The following ANO3 variants were observed in gnomAD, a reference collection of about 807,000 sequenced individuals.
ANO3 encodes the protein anoctamin 3.
A neutral mutation model predicts 144.8 loss-of-function variants in ANO3; 99 were observed. The observed-to-expected ratio is 0.68, with a 90% CI of 0.58 to 0.81. The LOEUF (loss-of-function observed/expected upper bound fraction) is 0.81. Ranked by LOEUF, ANO3 falls within the 30% of genes least tolerant of loss-of-function variation. The pLI is 0.00. For missense variants in ANO3, 905 were observed against 1,202.2 expected (o/e 0.75, Z 3.66); for synonymous variants, 414 against 392.6 (o/e 1.05, Z -0.64).
At chr11:26,275,977 T>C (rs1853550107) in intron 1 of ANO3, among the ~76,000 whole-genome samples, 2 of 152,190 alleles carry the variant, frequency 1.3e-5, no homozygotes, top group African/African-American at 4.8e-5. Context: ...CACTATCATC[T>C]TCACTGGTTT....
intron 14 of ANO3, among the ~76,000 whole-genome samples, chr11:26,574,725 T>C (rs1850943110): frequency 6.6e-6 from 1 of 152,146 alleles, no homozygotes; most frequent in South Asian, 2.1e-4. Flanking sequence ...TAATGGTTGT[T>C]TATTATTCAA....
At chr11:26,194,484 G>A in intron 1 of ANO3, among the ~76,000 whole-genome samples, 1 of 146,676 alleles carries the variant, frequency 6.8e-6, no homozygotes, top group Non-Finnish European at 1.5e-5. Context: ...GTGTGTGTGT[G>A]TGTATTATTT....
At chr11:26,439,878 A>T (rs943500444) in intron 1 of ANO3, among the ~76,000 whole-genome samples, 5 of 152,230 alleles carry the variant, frequency 3.3e-5, no homozygotes, top group African/African-American at 1.2e-4. Context: ...TTTAATTTTT[A>T]ATTTTATTTA....
At chr11:26,637,465 T>C (rs10767566) in intron 20 of ANO3, among the ~76,000 whole-genome samples, 52,828 of 152,054 alleles carry the variant, frequency 0.35, 9,773 homozygotes, top group South Asian at 0.47. Flanking sequence ...GTCAACACTG[T>C]ATGGCCTTGG....
At chr11:26,418,740 T>TCTCTGCAC (rs1414135897) in intron 1 of ANO3, among the ~76,000 whole-genome samples, 1 of 151,978 alleles carries the variant, frequency 6.6e-6, no homozygotes, top group Non-Finnish European at 1.5e-5. Flanking sequence ...TCTCTCTCTC[T>TCTCTGCAC]CTCTGCACGT....
chr11:26,323,912 T>C (rs779917553), intron 1 of ANO3, among the ~76,000 whole-genome samples: 1 of 152,184 alleles, frequency 6.6e-6, no homozygotes, highest in Non-Finnish European at 1.5e-5. Flanking sequence ...TGTGATACTC[T>C]TGAAAACCAG....
At chr11:26,306,267 C>G (rs1300238589), upstream of ANO3, among the ~76,000 whole-genome samples, 4 of 152,036 alleles carry the variant, frequency 2.6e-5, no homozygotes, top group Admixed American at 6.5e-5. Flanking sequence ...AGCCACCGCT[C>G]CCGGCCTATT....
At chr11:26,218,658 G>A (rs1852081379) in intron 1 of ANO3, among the ~76,000 whole-genome samples, 1 of 152,112 alleles carries the variant, frequency 6.6e-6, no homozygotes, top group Non-Finnish European at 1.5e-5. Context: ...AATATTTGAG[G>A]AATTTTATAC....
Position 26,553,112 on chromosome 11 carries a change from C to T in ANO3, c.1290-137C>T, listed in dbSNP as rs1590513496. 4 of 638,658 alleles carry T rather than the reference C, an allele frequency of 6.3e-6. No individual in the cohort carries two copies. The East Asian group carries it at 1.1e-4, about 17-fold the overall frequency. The allele number at this position is 638,658 out of a possible 1,614,324, so 39.6% of individuals were successfully genotyped here. On this transcript the variant is annotated intron_variant, in intron 12 of 26. Transcript: ENST00000256737. ...GAGTCACACCACAGTGCCCACCACT[C>T]CCCACTATTCCCATTTCTTCTCCTT...
chr11:26,365,977 TATATATATATATA>T (rs1452170454), intron 1 of ANO3, among the ~76,000 whole-genome samples: 1 of 73,366 alleles, frequency 1.4e-5, no homozygotes. Flanking sequence ...TATATATATA[TATATATATATATA>T]TATATATATA....
intron 21 of ANO3, 136 bp from the exon 22 acceptor site, chr11:26,641,760 T>C (rs1853160604): frequency 7.1e-6 from 7 of 979,456 alleles, no homozygotes; most frequent in Non-Finnish European, 9.7e-6. Flanking sequence ...TTAAAAAACT[T>C]TTATAAAAGG....
intron 11 of ANO3, 60 bp downstream of exon 11, chr11:26,542,128 A>G: frequency 6.5e-7 from 1 of 1,550,186 alleles, no homozygotes; most frequent in Non-Finnish European, 8.7e-7. Flanking sequence ...ATTGTCTTAG[A>G]CTTGGAATTA....
At chr11:26,343,121 T>C (rs1855407955) in intron 1 of ANO3, among the ~76,000 whole-genome samples, 1 of 152,164 alleles carries the variant, frequency 6.6e-6, no homozygotes, top group African/African-American at 2.4e-5. Context: ...CTTTGACCAA[T>C]AGCTCCACAT....
At chr11:26,516,228 G>A (rs549392517) in intron 5 of ANO3, among the ~76,000 whole-genome samples, 1 of 151,598 alleles carries the variant, frequency 6.6e-6, no homozygotes, top group Non-Finnish European at 1.5e-5. Flanking sequence ...CTTTTGTCTA[G>A]TCAAAGACAC....
chr11:26,204,585 G>A (rs943954576), intron 1 of ANO3, among the ~76,000 whole-genome samples: 7 of 152,010 alleles, frequency 4.6e-5, no homozygotes, highest in African/African-American at 7.2e-5. Flanking sequence ...GTTCACATGC[G>A]CATGGGTGAG....
chr11:26,393,981 A>T (rs1460493162), intron 1 of ANO3, among the ~76,000 whole-genome samples: 1 of 152,160 alleles, frequency 6.6e-6, no homozygotes, highest in Non-Finnish European at 1.5e-5. Flanking sequence ...ATGCATTTTA[A>T]CATTTATTGA....
chr11:26,582,714 C>A (rs1851166798), intron 14 of ANO3, among the ~76,000 whole-genome samples: 2 of 151,956 alleles, frequency 1.3e-5, no homozygotes, highest in Non-Finnish European at 2.9e-5. Context: ...CTTTTATTTT[C>A]TTCTTTATAC....
chr11:26,637,984 C>T (rs78905073), intron 20 of ANO3, among the ~76,000 whole-genome samples: 1 of 152,010 alleles, frequency 6.6e-6, no homozygotes, highest in African/African-American at 2.4e-5. Flanking sequence ...GTTGAAATCA[C>T]GTTTTTGTTT....
chr11:26,333,615 G>C (rs1291780006), intron 1 of ANO3, among the ~76,000 whole-genome samples: 1 of 152,102 alleles, frequency 6.6e-6, no homozygotes, highest in Non-Finnish European at 1.5e-5. Context: ...ACAAAAACTA[G>C]ATTAACACAC....
Sources: allele counts gnomAD v4.1 joint callset (sites outside exome capture counted in the v4.1 genomes callset), GRCh38; gene constraint gnomAD v4.1.1; transcripts MANE v1.5; gene names NCBI Gene and HGNC (gene_info 2026-07-23, HGNC 2026-07-21).